Variants in CENPT observed in about 807,000 individuals in gnomAD.
The protein encoded by CENPT is interphase centromere complex protein 22.
A neutral mutation model predicts 59.7 loss-of-function variants in CENPT; 42 were observed. The ratio of observed to expected loss-of-function variants is 0.70; its 90% confidence interval spans 0.55 to 0.91. The LOEUF (loss-of-function observed/expected upper bound fraction) is 0.91, where lower values mean the gene tolerates loss of function less well. Among genes scored for constraint, CENPT ranks in the 40% least tolerant of loss-of-function variants. CENPT has a pLI of 0.00. For synonymous variants in CENPT, 295 were observed against 289.6 expected, an observed-to-expected ratio of 1.02 and a Z score of -0.19; for missense variants, 716 against 713.4, an observed-to-expected ratio of 1.00 and a Z score of -0.04.
At position 67,828,848 on chromosome 16, in the gene CENPT, G is replaced by A. The variant is rs572633229; in HGVS notation, c.1281-5C>T. On this transcript the variant is annotated splice_region_variant and splice_polypyrimidine_tract_variant and intron_variant, in intron 13 of 15. Coordinates refer to ENST00000562787, the MANE Select transcript of CENPT (RefSeq NM_025082.4). Reference sequence around the variant, plus strand: ...TCTGCAGGCTCTGAAGATAAGCTGAGGGCAACAGTGGACAGAGGGGGCTGA... The same window carrying A: ...TCTGCAGGCTCTGAAGATAAGCTGAAGGCAACAGTGGACAGAGGGGGCTGA... 2.5e-6 allele frequency: 4 copies of A among 1,575,074 alleles called. No homozygotes were observed. The highest frequency in any genetic ancestry group is 8.6e-7 in the Non-Finnish European group (1 of 1,168,510).
chr16:67,834,574 G>A (rs758278395), intron 3 of CENPT, among the ~76,000 whole-genome samples: 1 of 152,056 alleles, frequency 6.6e-6, no homozygotes, highest in Non-Finnish European at 1.5e-5. Context: ...AGTCGTGATC[G>A]CACTCCAGCC....
At position 67,828,572 on chromosome 16, in the gene CENPT, A is replaced by T. The variant is rs1181846711; in HGVS notation, c.1464T>A (p.Asp488Glu). The T allele has an allele frequency of 1.9e-6, 3 of 1,614,246 alleles. No homozygotes were observed. The highest frequency in any genetic ancestry group is 2.5e-6 in the Non-Finnish European group (3 of 1,180,046). ...CATCACAAAGATGCTGGAAATATTT[A>T]TCTAGGCTGTCAAGAAGGTGGGGAT... is the stretch of plus-strand genomic sequence containing the variant. ...KALEMVEKCL[D>E]KYFQHLCDDL... The change falls in exon 15 of 16, where the codon GAT becomes GAA. Residue 488 changes from aspartate (D) to glutamate (E), a missense_variant. By Grantham distance (45) the Asp-to-Glu change is conservative. Transcript: ENST00000562787.
At chr16:67,845,007 T>C (rs1224512092) in intron 1 of CENPT, among the ~76,000 whole-genome samples, 1 of 152,118 alleles carries the variant, frequency 6.6e-6, no homozygotes, top group African/African-American at 2.4e-5. Context: ...CAGGCTGGTC[T>C]CGAGCTCCTG....
chr16:67,841,380 C>T (rs1321834130), intron 1 of CENPT, among the ~76,000 whole-genome samples: 5 of 152,070 alleles, frequency 3.3e-5, no homozygotes, highest in African/African-American at 1.2e-4. Context: ...CCTACCCGGG[C>T]CACCCCTTTC....
Position 67,831,736 on chromosome 16 carries a change from T to C in CENPT, c.523+18A>G, listed in dbSNP as rs1247883207. 5 of 1,581,584 alleles carry C rather than the reference T, an allele frequency of 3.2e-6. No homozygotes were observed. The highest frequency in any genetic ancestry group is 4.3e-6 in the Non-Finnish European group (5 of 1,164,520). On this transcript the variant is annotated intron_variant, in intron 8 of 15. Coordinates refer to ENST00000562787, the MANE Select transcript of CENPT (RefSeq NM_025082.4). ...GACAGGAGGGAGAGGGTAGCAAAAG[T>C]GGTGTCCAGGGCCTCACCTTGGGAG...
At chr16:67,845,191 T>A (rs1318589899) in intron 1 of CENPT, among the ~76,000 whole-genome samples, 2 of 152,232 alleles carry the variant, frequency 1.3e-5, no homozygotes, top group African/African-American at 4.8e-5. Context: ...AGTAAATGCC[T>A]TTAAAGCTCT....
chr16:67,835,185 T>C lies in CENPT; in HGVS notation c.-255A>G, dbSNP rs1567371459. The C allele has an allele frequency of 6.6e-6, 1 of 152,208 alleles. No homozygotes were observed. The highest frequency in any genetic ancestry group is 2.4e-5 in the African/African-American group (1 of 41,454). The allele number at this position is 152,208 out of a possible 1,614,324, so 9.4% of individuals were successfully genotyped here. On this transcript the variant is annotated 5_prime_UTR_variant, in exon 3 of 16. Coordinates refer to ENST00000562787, the MANE Select transcript of CENPT (RefSeq NM_025082.4). ...AGAGATGCTTACCATATTCTGTTAG[T>C]GTTTTCCTCCGTATTTTTCACTGGT...
rs115108375 is a variant in CENPT at position 67,834,104 on chromosome 16, T to C, written c.-241-4A>G. On this transcript the variant is annotated splice_polypyrimidine_tract_variant and splice_region_variant and intron_variant, in intron 3 of 15. Coordinates refer to ENST00000562787, the MANE Select transcript of CENPT (RefSeq NM_025082.4). ...GCCCAAGTCTTGGCTTCTTCATCTG[T>C]AAATTGAGGTTGATACCCACCTGAT... 2,061 of 429,026 alleles carry C rather than the reference T, an allele frequency of 4.8e-3. 24 individuals carry two copies. Among genetic ancestry groups the C allele is most frequent in the African/African-American group, 0.023 (1,114 of 48,708 alleles). The allele number at this position is 429,026 out of a possible 1,614,324, so 26.6% of individuals were successfully genotyped here.
chr16:67,840,418 G>A (rs1036334490), intron 1 of CENPT, among the ~76,000 whole-genome samples: 15 of 152,174 alleles, frequency 9.9e-5, no homozygotes, highest in African/African-American at 3.6e-4. Flanking sequence ...AAATTGGGAG[G>A]TGACCACGAT....
intron 3 of CENPT, among the ~76,000 whole-genome samples, chr16:67,834,398 A>G (rs1451047260): frequency 6.6e-6 from 1 of 152,180 alleles, no homozygotes; most frequent in Non-Finnish European, 1.5e-5. Flanking sequence ...GCTTGAGCTC[A>G]GGAGTTCGAG....
At chr16:67,846,151 A>G in intron 1 of CENPT, among the ~76,000 whole-genome samples, 1 of 152,258 alleles carries the variant, frequency 6.6e-6, no homozygotes, top group East Asian at 1.9e-4. Flanking sequence ...GAAGAGAACT[A>G]TTTACAATCT....
At chr16:67,841,671 T>G (rs2057762094) in intron 1 of CENPT, 2 of 152,260 alleles carry the variant, frequency 1.3e-5, no homozygotes, top group Non-Finnish European at 2.9e-5. Flanking sequence ...GCCCAGTCGG[T>G]CTGACTCCCG....
intron 1 of CENPT, among the ~76,000 whole-genome samples, chr16:67,841,010 C>CATACATATATATAT (rs1256263734): frequency 1.8e-4 from 20 of 109,370 alleles, no homozygotes; most frequent in African/African-American, 5.6e-4. Context: ...ATACAAAATA[C>CATACATATATATAT]ATATATATAT....
intron 1 of CENPT, among the ~76,000 whole-genome samples, chr16:67,840,988 C>T (rs2057757126): frequency 1.4e-5 from 2 of 138,962 alleles, no homozygotes; most frequent in South Asian, 4.6e-4. Flanking sequence ...GGCGAAACCC[C>T]GTCTCTACTA....
chr16:67,845,562 C>T (rs2057792126), intron 1 of CENPT, among the ~76,000 whole-genome samples: 1 of 152,206 alleles, frequency 6.6e-6, no homozygotes, highest in Admixed American at 6.5e-5. Context: ...AGGCCTTTTC[C>T]AGGATCCAGC....
chr16:67,831,774 T>C lies in CENPT; in HGVS notation c.503A>G (p.Gln168Arg). ...RLSVFQQGVD[Q>R]GLSLSQEPQG... is the part of the protein sequence containing the mutation. ...CTCACCTTGGGAGAGAGACAGCCCC[T>C]GGTCCACTCCCTGCTGAAACACTGA... is the stretch of plus-strand genomic sequence containing the variant. The change falls in exon 8 of 16, where the codon CAG (glutamine) becomes CGG (arginine). Residue 168 changes from glutamine to arginine, a missense_variant. Gln to Arg is a conservative substitution (Grantham distance 43). Transcript: ENST00000562787. 3 of 1,583,638 alleles carry C rather than the reference T, an allele frequency of 1.9e-6. No homozygotes were observed. The highest frequency in any genetic ancestry group is 2.2e-5 in the East Asian group (1 of 44,726).
At chr16:67,844,623 G>C (rs893644139) in intron 1 of CENPT, among the ~76,000 whole-genome samples, 17 of 152,344 alleles carry the variant, frequency 1.1e-4, no homozygotes, top group African/African-American at 4.1e-4. Context: ...ACCGGTAAGA[G>C]CGCAGCTGGA....
Position 67,832,228 on chromosome 16 carries a change from C to G in CENPT, c.289G>C (p.Ala97Pro), listed in dbSNP as rs1207033086. 1 of 1,614,006 alleles carries G rather than the reference C, an allele frequency of 6.2e-7. No homozygotes were observed. The highest frequency in any genetic ancestry group is 8.5e-7 in the Non-Finnish European group (1 of 1,179,974). ...RTLLKNILLT[A>P]PESSILMPES... ...GACCGGCAGGCCAGCGCTCACTTAC[C>G]AGTTAGTAGGATGTTCTTCAGCAGC... The change falls in exon 6 of 16, where the codon GCC (alanine) becomes CCC (proline). Residue 97 changes from alanine (A) to proline (P), a missense_variant and splice_region_variant. Coordinates refer to ENST00000562787, the MANE Select transcript of CENPT (RefSeq NM_025082.4).
At chr16:67,830,569 G>C in intron 10 of CENPT, 21 bp from the exon 11 acceptor site, 2 of 1,611,200 alleles carry the variant, frequency 1.2e-6, no homozygotes, top group Non-Finnish European at 1.7e-6. Context: ...AGTAGTAACA[G>C]GTTCTGAGGC....
Sources: gnomAD v4.1 joint callset for allele counts (sites outside exome capture counted in the v4.1 genomes callset) on GRCh38, gnomAD v4.1.1 for gene constraint, MANE v1.5 for transcripts, NCBI Gene and HGNC (gene_info 2026-07-23, HGNC 2026-07-21) for gene names.